ARHGAP17: variants seen among roughly 807,000 people sequenced by gnomAD.
ARHGAP17 encodes the protein rho GTPase-activating protein 17.
A neutral mutation model predicts 99.5 loss-of-function variants in ARHGAP17; 57 were observed. The ratio of observed to expected loss-of-function variants is 0.57; its 90% CI spans 0.46 to 0.71. The LOEUF is 0.71. Ranked by LOEUF, ARHGAP17 falls within the 30% of genes least tolerant of loss-of-function variation. ARHGAP17 has a pLI of 0.00. For missense variants in ARHGAP17, 1,000 were observed against 1,122.4 expected, an observed-to-expected ratio of 0.89 and a Z score of 1.56; for synonymous variants, 417 against 429.6, an observed-to-expected ratio of 0.97 and a Z score of 0.36.
At chr16:25,001,265 CA>C (rs56068079) in intron 1 of ARHGAP17, among the ~76,000 whole-genome samples, 9,518 of 150,234 alleles carry the variant, frequency 0.063, 412 homozygotes, top group Middle Eastern at 0.14. Flanking sequence ...ATTTAAAAAA[CA>C]AAAAAAAATA....
intron 1 of ARHGAP17, among the ~76,000 whole-genome samples, chr16:25,012,601 G>C (rs1191950960): frequency 6.6e-6 from 1 of 152,166 alleles, no homozygotes; most frequent in East Asian, 1.9e-4. Context: ...CTTCCAAGCA[G>C]TAACAATTCT....
In ARHGAP17 at chr16:25,004,031, CA is replaced by C. The variant is rs969204845; in HGVS notation, c.53+11177del. Among the ~76,000 whole-genome samples the C allele has an allele frequency of 1.2e-4, 18 of 148,590 alleles. No homozygotes were observed. In the East Asian group the frequency reaches 2.5e-3, roughly 21 times the overall value. ...GGTTGCCTTTTTCCCAATTTACAAACAAAAAAAAAATATTAAGTTAAAGGAT... is the reference window on the plus strand; with the variant it reads ...GGTTGCCTTTTTCCCAATTTACAAACAAAAAAAAATATTAAGTTAAAGGAT... On this transcript the variant is annotated intron_variant, in intron 1 of 19. Coordinates refer to ENST00000289968, the MANE Select transcript of ARHGAP17 (RefSeq NM_001006634.3).
chr16:24,950,565 T>C (rs912810879), intron 12 of ARHGAP17, among the ~76,000 whole-genome samples: 2 of 151,950 alleles, frequency 1.3e-5, no homozygotes. Flanking sequence ...CTGAGCGCGG[T>C]GGTTTATGCC....
chr16:24,985,476 T>A (rs1157684366), intron 1 of ARHGAP17, among the ~76,000 whole-genome samples: 2 of 152,190 alleles, frequency 1.3e-5, no homozygotes, highest in Admixed American at 6.5e-5. Context: ...GGCCTCCTCC[T>A]GCACTGTCAA....
Position 24,931,384 on chromosome 16 carries a change from C to A in ARHGAP17, c.1915G>T (p.Ala639Ser). 6.6e-7 allele frequency: 1 copy of A among 1,507,090 alleles called. No homozygotes were observed. 93.4% of individuals were successfully genotyped at this position (1,507,090 alleles called of 1,614,324 possible). The change falls in exon 19 of 20, where the codon GCA becomes TCA. Residue 639 changes from alanine to serine, a missense_variant. Transcript: ENST00000289968. ...LRRAVKKPAP[A>S]PPKPGNPPPG... ...GGTGGGTTGCCCGGTTTCGGGGGTG[C>A]TGGAGCGGGTTTTTTAACAGCTGCA...
intron 19 of ARHGAP17, among the ~76,000 whole-genome samples, chr16:24,922,475 G>T (rs1038353541): frequency 2.0e-5 from 3 of 152,122 alleles, no homozygotes; most frequent in African/African-American, 4.8e-5. Context: ...GGGAAAAAAT[G>T]TGTTTTGGGG....
rs1043219181 is a variant in ARHGAP17 at position 24,949,420 on chromosome 16, T to G, written c.1111A>C (p.Asn371His). The part of the protein sequence containing the change: ...WRTCQKLPPQ[N>H]FVNFRYLIKF... The stretch of plus-strand genomic sequence containing the variant: ...CATACATACCTAAAGTTAACAAAAT[T>G]TTGTGGTGGCAACTTCTGACATGTT... Residue 371 changes from asparagine to histidine, a missense_variant, in exon 13 of 20, where the codon AAT becomes CAT. This residue lies in a region of ARHGAP17 where 472 missense variants were observed against 611.1 expected (regional missense o/e 0.77). Coordinates refer to ENST00000289968, the MANE Select transcript of ARHGAP17 (RefSeq NM_001006634.3). 3 of 1,613,706 alleles carry G rather than the reference T, an allele frequency of 1.9e-6. No individual in the cohort carries two copies. The highest frequency in any genetic ancestry group is 2.7e-5 in the African/African-American group (2 of 74,894).
rs753725620 is a variant in ARHGAP17 at position 24,931,296 on chromosome 16, G to C, written c.2003C>G (p.Pro668Arg). 1.3e-6 allele frequency: 2 copies of C among 1,529,770 alleles called. No individual in the cohort carries two copies. Among genetic ancestry groups the C allele is most frequent in the East Asian group, 4.5e-5 (2 of 44,032 alleles). The allele number at this position is 1,529,770 out of a possible 1,614,324, so 94.8% of individuals were successfully genotyped here. A position where few individuals can be genotyped will look rare whatever the true frequency, so the allele number is the denominator to read the frequency against. Reference sequence around the variant, plus strand: ...AGAGGGGCTTCGGGTGGGTGGCTTTGGTGACAGACTGGGTGGATGCTGAGA... The same window carrying C: ...AGAGGGGCTTCGGGTGGGTGGCTTTCGTGACAGACTGGGTGGATGCTGAGA... ...GTSQHPPSLS[P>R]KPPTRSPSPP... Residue 668 changes from proline (P) to arginine (R), a missense_variant, in exon 19 of 20, where the codon CCA becomes CGA. Pro to Arg is a moderately radical substitution (Grantham distance 103, BLOSUM62 -2). Around this residue, in one of 2 missense-constraint regions of ARHGAP17, gnomAD observed 528 missense variants for 511.4 expected, o/e 1.03. Transcript: ENST00000289968.
Position 24,952,978 on chromosome 16 carries a change from G to A in ARHGAP17, c.917C>T (p.Ser306Phe), listed in dbSNP as rs377570091. ...LKKLKAALDCSTSHLDEFYSD... is the reference protein window; with the variant it reads ...LKKLKAALDCFTSHLDEFYSD... ...ATAGAACTCATCCAGGTGAGAAGTAGAACAGTCCAAAGCAGCTTTCAGCTT... is the reference window on the plus strand; with the variant it reads ...ATAGAACTCATCCAGGTGAGAAGTAAAACAGTCCAAAGCAGCTTTCAGCTT... The change falls in exon 11 of 20, where the codon TCT (serine) becomes TTT (phenylalanine). Residue 306 changes from serine to phenylalanine, a missense_variant. By Grantham distance (155) the Ser-to-Phe change is radical (BLOSUM62 -2). Transcript: ENST00000289968. 89 of 1,614,082 alleles carry A rather than the reference G, an allele frequency of 5.5e-5. No homozygotes were observed. The highest frequency in any genetic ancestry group is 7.5e-5 in the Non-Finnish European group (88 of 1,180,034).
intron 1 of ARHGAP17, 63 bp from the exon 2 acceptor site, chr16:24,979,068 T>A: frequency 8.4e-7 from 1 of 1,187,340 alleles, no homozygotes; most frequent in Non-Finnish European, 1.2e-6. Flanking sequence ...TCCTAAAATT[T>A]AATAATTATT....
chr16:24,961,192 T>C (rs1035083230), intron 7 of ARHGAP17, among the ~76,000 whole-genome samples: 1 of 151,688 alleles, frequency 6.6e-6, no homozygotes, highest in African/African-American at 2.4e-5. Context: ...CACATATGTA[T>C]AAAAATATGT....
At chr16:24,973,677 G>GC (rs995554303) in intron 3 of ARHGAP17, among the ~76,000 whole-genome samples, 2 of 151,996 alleles carry the variant, frequency 1.3e-5, no homozygotes, top group African/African-American at 4.8e-5. Context: ...CCCATTCTGG[G>GC]CCCCCCATAA....
intron 17 of ARHGAP17, among the ~76,000 whole-genome samples, chr16:24,937,011 A>G (rs952871109): frequency 2.6e-5 from 4 of 151,148 alleles, no homozygotes; most frequent in Admixed American, 6.6e-5. Flanking sequence ...CCCAGTTGGG[A>G]GGCTGAGGTG....
intron 6 of ARHGAP17, among the ~76,000 whole-genome samples, chr16:24,965,682 C>T (rs1277069642): frequency 6.6e-6 from 1 of 152,182 alleles, no homozygotes; most frequent in Non-Finnish European, 1.5e-5. Context: ...CTGACATGTT[C>T]AAGTTTGGAG....
intron 1 of ARHGAP17, among the ~76,000 whole-genome samples, chr16:24,994,585 A>G (rs975037479): frequency 2.6e-5 from 4 of 152,172 alleles, no homozygotes; most frequent in African/African-American, 9.7e-5. Context: ...AGTTGTCACT[A>G]TCACCACAGC....
At chr16:24,996,125 G>T (rs2053186187) in intron 1 of ARHGAP17, among the ~76,000 whole-genome samples, 1 of 151,846 alleles carries the variant, frequency 6.6e-6, no homozygotes. Flanking sequence ...GGGGGGGGAG[G>T]GAAATAAATA....
intron 12 of ARHGAP17, 71 bp downstream of exon 12, chr16:24,952,218 T>C: frequency 8.5e-7 from 1 of 1,179,836 alleles, no homozygotes; most frequent in Non-Finnish European, 1.2e-6. Flanking sequence ...GAGAATAAAA[T>C]GATTTGCAAA....
intron 6 of ARHGAP17, among the ~76,000 whole-genome samples, chr16:24,966,716 T>G (rs755642888): frequency 2.6e-5 from 4 of 151,878 alleles, no homozygotes; most frequent in Middle Eastern, 3.4e-3. Context: ...CCCAGGAGTT[T>G]GAGGTTGCAG....
chr16:24,989,186 A>G (rs2052961987), intron 1 of ARHGAP17, among the ~76,000 whole-genome samples: 3 of 152,176 alleles, frequency 2.0e-5, no homozygotes. Context: ...GCTCTGACTC[A>G]GTGCTGTGAC....
Sources: gnomAD v4.1 joint callset for allele counts (sites outside exome capture counted in the v4.1 genomes callset) on GRCh38, gnomAD v4.1.1 for gene constraint, gnomAD v4.1.1 regional missense constraint, MANE v1.5 for transcripts, NCBI Gene and HGNC (gene_info 2026-07-23, HGNC 2026-07-21) for gene names.